The following LRRTM4 variants were observed in gnomAD, a reference collection of about 807,000 sequenced individuals.
The protein encoded by LRRTM4 is leucine-rich repeat transmembrane neuronal protein 4.
In LRRTM4, 25 loss-of-function variants were observed where a neutral mutation model predicts 47.6. The observed-to-expected ratio is 0.53, with a 90% CI of 0.38 to 0.73. The LOEUF (loss-of-function observed/expected upper bound fraction) is 0.73, where lower values mean the gene tolerates loss of function less well. Ranked by LOEUF, LRRTM4 falls within the 30% of genes least tolerant of loss-of-function variation. The probability of loss-of-function intolerance (pLI) is 0.00; values close to 1 mark genes in which losing one functional copy is unlikely to be tolerated. For missense variants in LRRTM4, 638 were observed against 713.4 expected (o/e 0.89, Z 1.20); for synonymous variants, 311 against 269.5 (o/e 1.15, Z -1.51).
chr2:76,762,267 G>T (rs1673285616), intron 3 of LRRTM4, among the ~76,000 whole-genome samples: 1 of 151,982 alleles, frequency 6.6e-6, no homozygotes, highest in African/African-American at 2.4e-5. Flanking sequence ...CATACTCCAG[G>T]GGAGTTAGAT....
At chr2:77,229,642 T>C (rs1047132302) in intron 3 of LRRTM4, among the ~76,000 whole-genome samples, 1 of 152,114 alleles carries the variant, frequency 6.6e-6, no homozygotes, top group Admixed American at 6.6e-5. Flanking sequence ...AGATTCAGAA[T>C]CCCACCGCTG....
intron 3 of LRRTM4, among the ~76,000 whole-genome samples, chr2:77,130,419 T>A (rs1558595163): frequency 6.6e-6 from 1 of 152,194 alleles, no homozygotes; most frequent in South Asian, 2.1e-4. Context: ...TAATTATTAT[T>A]TGTACACTAT....
At chr2:76,828,336 A>G (rs909751162) in intron 3 of LRRTM4, among the ~76,000 whole-genome samples, 2 of 151,898 alleles carry the variant, frequency 1.3e-5, no homozygotes, top group African/African-American at 2.4e-5. Context: ...TTGGGCCGGA[A>G]TCCTATATGT....
chr2:77,024,921 A>G (rs939983976), intron 3 of LRRTM4, among the ~76,000 whole-genome samples: 1 of 152,174 alleles, frequency 6.6e-6, no homozygotes, highest in African/African-American at 2.4e-5. Context: ...TATTTTCAAA[A>G]TATTTCCAAT....
Position 76,926,392 on chromosome 2 carries a change from T to C in LRRTM4, c.1552-177476A>G, listed in dbSNP as rs186666337. Among the ~76,000 whole-genome samples the C allele has an allele frequency of 3.6e-3, 552 of 152,282 alleles. 14 individuals are homozygous for C. Among genetic ancestry groups the C allele is most frequent in the Admixed American group, 0.033 (499 of 15,286 alleles). On this transcript the variant is annotated intron_variant, in intron 3 of 3. Transcript: ENST00000409884. The stretch of plus-strand genomic sequence containing the variant: ...CCAGCAAATTTTATTACATAATAAA[T>C]GGATTCTCTAGGTCTCATCCTCTAA...
At chr2:77,413,950 A>G (rs1045277285) in intron 3 of LRRTM4, among the ~76,000 whole-genome samples, 17 of 152,146 alleles carry the variant, frequency 1.1e-4, no homozygotes, top group African/African-American at 3.6e-4. Flanking sequence ...TGGTCCTTCA[A>G]ACATCAATGA....
chr2:76,797,087 A>G (rs62172110), intron 3 of LRRTM4, among the ~76,000 whole-genome samples: 37,315 of 151,884 alleles, frequency 0.25, 5,085 homozygotes, highest in East Asian at 0.38. Flanking sequence ...AAGGCAGGCC[A>G]ACGTTCAGAT....
chr2:76,811,823 G>T (rs562482076), intron 3 of LRRTM4, among the ~76,000 whole-genome samples: 1 of 152,122 alleles, frequency 6.6e-6, no homozygotes, highest in Non-Finnish European at 1.5e-5. Flanking sequence ...CTCAAGAGCC[G>T]AAAGCAAGCC....
chr2:77,096,333 T>C (rs1264889935), intron 3 of LRRTM4, among the ~76,000 whole-genome samples: 3 of 151,502 alleles, frequency 2.0e-5, no homozygotes, highest in Admixed American at 2.0e-4. Flanking sequence ...GTTATGAGGG[T>C]AAAATAAGGA....
At position 76,747,830 on chromosome 2, in the gene LRRTM4, A is replaced by C. The variant is rs1222550490; in HGVS notation, c.*865T>G. 1 of 152,242 alleles carries C rather than the reference A, an allele frequency of 6.6e-6. No individual in the cohort carries two copies. Among genetic ancestry groups the C allele is most frequent in the Non-Finnish European group, 1.5e-5 (1 of 68,038 alleles). The allele number at this position is 152,242 out of a possible 1,614,324, so 9.4% of individuals were successfully genotyped here. ...ATTATCTTGTGTTTAGAAATTTGTC[A>C]GCTTGGCAGTTTCATTCATTGAGCC... is the stretch of plus-strand genomic sequence containing the variant. On this transcript the variant is annotated 3_prime_UTR_variant, in exon 4 of 4. Transcript: ENST00000409884.
intron 3 of LRRTM4, among the ~76,000 whole-genome samples, chr2:77,387,589 C>G (rs549276356): frequency 6.6e-6 from 1 of 152,084 alleles, no homozygotes; most frequent in Non-Finnish European, 1.5e-5. Flanking sequence ...GGGGAGCCCA[C>G]GTGAACACAC....
intron 3 of LRRTM4, among the ~76,000 whole-genome samples, chr2:76,906,819 C>A (rs1673857352): frequency 6.6e-6 from 1 of 151,046 alleles, no homozygotes; most frequent in South Asian, 2.1e-4. Flanking sequence ...TATATGCACC[C>A]AATACAGGAG....
intron 3 of LRRTM4, among the ~76,000 whole-genome samples, chr2:76,827,487 A>AT (rs1671221354): frequency 6.6e-6 from 1 of 151,968 alleles, no homozygotes; most frequent in East Asian, 1.9e-4. Context: ...TGCAACTCAG[A>AT]TTTAATCTGA....
intron 3 of LRRTM4, among the ~76,000 whole-genome samples, chr2:77,230,399 A>T (rs550707165): frequency 6.6e-6 from 1 of 152,290 alleles, no homozygotes; most frequent in South Asian, 2.1e-4. Context: ...AGAGAAAAAG[A>T]TATAGAGATA....
At chr2:76,795,736 C>G (rs1243809684) in intron 3 of LRRTM4, among the ~76,000 whole-genome samples, 1 of 152,042 alleles carries the variant, frequency 6.6e-6, no homozygotes, top group Non-Finnish European at 1.5e-5. Flanking sequence ...TTTGGATACT[C>G]ATTTTATGAG....
At chr2:77,011,977 A>C (rs1677892500) in intron 3 of LRRTM4, among the ~76,000 whole-genome samples, 1 of 152,052 alleles carries the variant, frequency 6.6e-6, no homozygotes, top group African/African-American at 2.4e-5. Flanking sequence ...GTAAGTTAAC[A>C]GATCAGTGAC....
intron 3 of LRRTM4, among the ~76,000 whole-genome samples, chr2:77,467,992 A>C (rs1429476640): frequency 6.6e-6 from 1 of 152,192 alleles, no homozygotes; most frequent in Non-Finnish European, 1.5e-5. Context: ...TAAGGGGTGA[A>C]AAAGTCATGC....
At chr2:77,014,755 T>A (rs1677999484) in intron 3 of LRRTM4, among the ~76,000 whole-genome samples, 1 of 151,972 alleles carries the variant, frequency 6.6e-6, no homozygotes. Flanking sequence ...GAGGTTGCAG[T>A]GAGTGGAGAT....
At chr2:77,019,570 T>C (rs1429571316) in intron 3 of LRRTM4, among the ~76,000 whole-genome samples, 1 of 152,134 alleles carries the variant, frequency 6.6e-6, no homozygotes, top group Non-Finnish European at 1.5e-5. Flanking sequence ...CTTAGCACAA[T>C]ACCTGGCACA....
Sources: gnomAD v4.1 joint callset for allele counts (sites outside exome capture counted in the v4.1 genomes callset) on GRCh38, gnomAD v4.1.1 for gene constraint, MANE v1.5 for transcripts, NCBI Gene and HGNC (gene_info 2026-07-23, HGNC 2026-07-21) for gene names.